The following PUM3 variants were observed in gnomAD, a reference collection of about 807,000 sequenced individuals.
PUM3 encodes pumilio RNA binding family member 3.
Under a neutral mutation model 84.0 loss-of-function variants are expected in PUM3, and 91 were observed. That is an observed-to-expected ratio of 1.08 (90% CI 0.91 to 1.29). The LOEUF (loss-of-function observed/expected upper bound fraction) is 1.29, where lower values mean the gene tolerates loss of function less well. PUM3 is among the 50% of genes most tolerant of loss of function. PUM3 has a pLI of 0.00. For synonymous variants in PUM3, 321 were observed against 266.7 expected, an observed-to-expected ratio of 1.20 and a Z score of -1.98; for missense variants, 1,067 against 767.5, an observed-to-expected ratio of 1.39 and a Z score of -4.61.
At chr9:2,841,037 C>G (rs1212743059) in intron 1 of PUM3, among the ~76,000 whole-genome samples, 4 of 152,204 alleles carry the variant, frequency 2.6e-5, no homozygotes, top group Admixed American at 6.5e-5. Flanking sequence ...GAAGCTCATA[C>G]TGATGTTTCC....
intron 5 of PUM3, among the ~76,000 whole-genome samples, chr9:2,833,115 G>A (rs1005313903): frequency 6.6e-6 from 1 of 152,070 alleles, no homozygotes; most frequent in Non-Finnish European, 1.5e-5. Context: ...GGAAACACTG[G>A]CTTATTTTAA....
chr9:2,815,466 T>C (rs991318007), intron 13 of PUM3, among the ~76,000 whole-genome samples: 21 of 152,184 alleles, frequency 1.4e-4, no homozygotes, highest in African/African-American at 3.1e-4. Context: ...TAAGGCATAG[T>C]TGATTTTGTG....
rs576585395 is a variant in PUM3 at position 2,811,493 on chromosome 9, C to T, written c.1503G>A (p.Val501=). ...ACACACACGCAGACTTATCTAGCAC[C>T]ACTTCTTGGGCGTGTTCTTGCAGGT... The part of the protein sequence containing the change: ...LSYLQEHAQE[V]VLDKSACVLV... The change falls in exon 15 of 18, where the codon GTG becomes GTA. Residue 501 remains valine, a synonymous_variant. Coordinates refer to ENST00000397885, the MANE Select transcript of PUM3 (RefSeq NM_014878.5). The T allele has an allele frequency of 3.4e-5, 55 of 1,614,148 alleles. No homozygotes were observed. The highest frequency in any genetic ancestry group is 1.3e-4 in the East Asian group (6 of 44,870).
At chr9:2,838,350 C>G (rs140594186) in intron 2 of PUM3, 76 bp downstream of exon 2, 2 of 947,714 alleles carry the variant, frequency 2.1e-6, no homozygotes, top group Non-Finnish European at 3.5e-6. Context: ...CCAATGAATA[C>G]AGATTGAAAT....
At position 2,811,497 on chromosome 9, in the gene PUM3, T is replaced by A; in HGVS notation, c.1499A>T (p.Glu500Val). The A allele has an allele frequency of 1.2e-6, 2 of 1,614,144 alleles. No individual in the cohort carries two copies. Among genetic ancestry groups the A allele is most frequent in the Non-Finnish European group, 1.7e-6 (2 of 1,180,020 alleles). The change falls in exon 15 of 18, where the codon GAA becomes GTA. Residue 500 changes from glutamate to valine, a missense_variant. Transcript: ENST00000397885. ...ACACGCAGACTTATCTAGCACCACT[T>A]CTTGGGCGTGTTCTTGCAGGTAGCT... is the stretch of plus-strand genomic sequence containing the variant. ...LLSYLQEHAQEVVLDKSACVL... is the reference protein window; with the variant it reads ...LLSYLQEHAQVVVLDKSACVL...
At chr9:2,826,934 G>A (rs1815837497) in intron 10 of PUM3, 139 bp downstream of exon 10, 2 of 661,674 alleles carry the variant, frequency 3.0e-6, no homozygotes, top group Admixed American at 3.3e-5. Flanking sequence ...TGTTCAAAGG[G>A]AGTTGAGTAA....
chr9:2,824,244 C>G (rs984033418), intron 11 of PUM3, among the ~76,000 whole-genome samples: 1 of 152,084 alleles, frequency 6.6e-6, no homozygotes, highest in East Asian at 1.9e-4. Flanking sequence ...CTTTTAAAGG[C>G]AGAATTATGC....
chr9:2,827,427 G>C (rs1249414712), intron 9 of PUM3, among the ~76,000 whole-genome samples: 1 of 152,130 alleles, frequency 6.6e-6, no homozygotes, highest in East Asian at 1.9e-4. Context: ...AATATGCTCT[G>C]CTCTATTAAA....
intron 17 of PUM3, 97 bp from the exon 18 acceptor site, chr9:2,804,560 C>G (rs1032332437): frequency 8.7e-7 from 1 of 1,150,996 alleles, no homozygotes; most frequent in Non-Finnish European, 1.2e-6. Flanking sequence ...AACTGTGACA[C>G]AAGCCTTGTA....
rs201128771 is a variant in PUM3 at position 2,811,377 on chromosome 9, C to G, written c.1619G>C (p.Gly540Ala). The G allele has an allele frequency of 6.2e-7, 1 of 1,614,084 alleles. No homozygotes were observed. Among genetic ancestry groups the G allele is most frequent in the Non-Finnish European group, 8.5e-7 (1 of 1,180,018 alleles). ...GCACATTACCTCTCCGTCCTTGCCA[C>G]CAGGATGCAGTCCTGTTGCTGCCAA... ...ASLAATGLHPGGKDGELHIAE... is the reference protein window; with the variant it reads ...ASLAATGLHPAGKDGELHIAE... Residue 540 changes from glycine (G) to alanine (A), a missense_variant, in exon 15 of 18, where the codon GGT becomes GCT. Gly to Ala is a moderately conservative substitution (Grantham distance 60). Coordinates refer to ENST00000397885, the MANE Select transcript of PUM3 (RefSeq NM_014878.5).
chr9:2,808,078 A>G, intron 16 of PUM3, 174 bp from the exon 17 acceptor site: 1 of 553,376 alleles, frequency 1.8e-6, no homozygotes, highest in South Asian at 2.4e-5. Context: ...TATCTAATGC[A>G]TTTCTAAAAG....
intron 16 of PUM3, 105 bp downstream of exon 16, chr9:2,810,239 G>A: frequency 4.1e-6 from 3 of 731,842 alleles, no homozygotes; most frequent in East Asian, 2.7e-5. Context: ...CTAGACACTT[G>A]GCAAACTTCA....
intron 3 of PUM3, among the ~76,000 whole-genome samples, chr9:2,835,332 C>A (rs1265507102): frequency 2.0e-5 from 3 of 152,140 alleles, no homozygotes; most frequent in Non-Finnish European, 4.4e-5. Flanking sequence ...GCAGGAGGAT[C>A]ACTTGAGTCC....
chr9:2,811,463 C>T lies in PUM3; in HGVS notation c.1533G>A (p.Val511=). 1.7e-5 allele frequency: 27 copies of T among 1,614,196 alleles called. No individual in the cohort carries two copies. Among genetic ancestry groups the T allele is most frequent in the Non-Finnish European group, 2.3e-5 (27 of 1,180,036 alleles). Residue 511 remains valine, a synonymous_variant, in exon 15 of 18, where the codon GTG becomes GTA. Transcript: ENST00000397885. Reference sequence around the variant, plus strand: ...CAGTGGCAGATCCCAGAATGTCAGACACCAACACACACGCAGACTTATCTA... The same window carrying T: ...CAGTGGCAGATCCCAGAATGTCAGATACCAACACACACGCAGACTTATCTA... ...VVLDKSACVL[V]SDILGSATGD...
chr9:2,825,744 T>C (rs1343963332), intron 10 of PUM3, among the ~76,000 whole-genome samples: 1 of 152,138 alleles, frequency 6.6e-6, no homozygotes, highest in Non-Finnish European at 1.5e-5. Context: ...GTTCCCAAAG[T>C]GCTGGGATTA....
chr9:2,811,688 C>T (rs1336440234), intron 14 of PUM3, 105 bp from the exon 15 acceptor site: 1 of 718,692 alleles, frequency 1.4e-6, no homozygotes, highest in Non-Finnish European at 2.4e-6. Context: ...CTGTATCGCA[C>T]TCTATTATTA....
intron 1 of PUM3, among the ~76,000 whole-genome samples, chr9:2,842,551 A>G (rs1469348365): frequency 1.3e-5 from 2 of 152,080 alleles, no homozygotes; most frequent in Admixed American, 1.3e-4. Context: ...TTTAAATGAC[A>G]TTTTCTTATA....
At chr9:2,838,734 G>T (rs1816197086) in intron 1 of PUM3, among the ~76,000 whole-genome samples, 1 of 152,060 alleles carries the variant, frequency 6.6e-6, no homozygotes. Flanking sequence ...AAAAAACTAA[G>T]AACAACACAC....
chr9:2,811,824 C>A (rs1206838043), intron 14 of PUM3, among the ~76,000 whole-genome samples: 6 of 143,558 alleles, frequency 4.2e-5, no homozygotes, highest in Non-Finnish European at 7.5e-5. Context: ...TAAAGGGAGT[C>A]TGACTTGTGT....
Sources: gnomAD v4.1 joint callset for allele counts (sites outside exome capture counted in the v4.1 genomes callset) on GRCh38, gnomAD v4.1.1 for gene constraint, MANE v1.5 for transcripts, NCBI Gene and HGNC (gene_info 2026-07-23, HGNC 2026-07-21) for gene names.